AKAP6: variants seen among roughly 807,000 people sequenced by gnomAD.
The protein encoded by AKAP6 is A-kinase anchoring protein 6.
In AKAP6, 58 loss-of-function variants were observed where a neutral mutation model predicts 188.5. The ratio of observed to expected loss-of-function variants is 0.31; its 90% CI spans 0.25 to 0.38. The LOEUF is 0.38. Ranked by LOEUF, AKAP6 falls within the 10% of genes least tolerant of loss-of-function variation. AKAP6 has a pLI of 1.00. For missense variants in AKAP6, 2,710 were observed against 2,740.0 expected, an observed-to-expected ratio of 0.99 and a Z score of 0.24; for synonymous variants, 989 against 998.6, an observed-to-expected ratio of 0.99 and a Z score of 0.18.
Position 32,676,351 on chromosome 14 carries a change from T to G in AKAP6, c.2731-1960T>G, listed in dbSNP as rs192161595. On this transcript the variant is annotated intron_variant, in intron 7 of 13. Transcript: ENST00000280979. The stretch of plus-strand genomic sequence containing the variant: ...GTTTTATCCTTTTAAAAATAAAATA[T>G]TATTACATCAGTAGTTATTATTCTT... Among the ~76,000 whole-genome samples, 649 of 152,330 alleles carry G rather than the reference T, an allele frequency of 4.3e-3. 7 individuals are homozygous for G. Among genetic ancestry groups the G allele is most frequent in the African/African-American group, 0.015 (621 of 41,584 alleles).
rs145669645 is a variant in AKAP6 at position 32,615,430 on chromosome 14, C to T, written c.2730+14638C>T. Among the ~76,000 whole-genome samples, 58 of 149,352 alleles carry T rather than the reference C, an allele frequency of 3.9e-4. No individual in the cohort carries two copies. The East Asian group carries it at 0.01, about 26-fold the overall frequency. On this transcript the variant is annotated intron_variant, in intron 7 of 13. Transcript: ENST00000280979. ...TTCCTTCTTTTTTTTTTTTAACCTT[C>T]CTCTAGTTGGAGCTGAAATTTTCTG... is the stretch of plus-strand genomic sequence containing the variant.
rs143520724 is a variant in AKAP6 at position 32,744,347 on chromosome 14, C to T, written c.3372+8465C>T. ...TTATTTTATTTTTGAGATGGAGTCT[C>T]GCTCTGTCACCCAGGCTAGAGTGCA... is the stretch of plus-strand genomic sequence containing the variant. On this transcript the variant is annotated intron_variant, in intron 11 of 13. Transcript: ENST00000280979. Among the ~76,000 whole-genome samples, 951 of 151,798 alleles carry T rather than the reference C, an allele frequency of 6.3e-3. 13 individuals are homozygous for T. Among genetic ancestry groups the T allele is most frequent in the African/African-American group, 0.021 (886 of 41,386 alleles).
chr14:32,590,142 A>G (rs1885426895), intron 5 of AKAP6, among the ~76,000 whole-genome samples: 1 of 152,150 alleles, frequency 6.6e-6, no homozygotes, highest in Non-Finnish European at 1.5e-5. Flanking sequence ...GCATGCTTTT[A>G]TCATTTGGGG....
chr14:32,428,590 G>A (rs148290940), intron 1 of AKAP6, among the ~76,000 whole-genome samples: 42 of 152,236 alleles, frequency 2.8e-4, no homozygotes, highest in African/African-American at 8.7e-4. Context: ...CAAGATACCC[G>A]GCTTTTCTGT....
chr14:32,461,058 C>G (rs1273311854), intron 2 of AKAP6, among the ~76,000 whole-genome samples: 1 of 152,198 alleles, frequency 6.6e-6, no homozygotes, highest in African/African-American at 2.4e-5. Flanking sequence ...GGTAACAGCC[C>G]CAGTCACGGG....
chr14:32,817,455 G>A (rs1161433361), intron 12 of AKAP6, among the ~76,000 whole-genome samples: 1 of 29,940 alleles, frequency 3.3e-5, no homozygotes, highest in Non-Finnish European at 5.1e-5. Context: ...GTATAGCTGT[G>A]TGTGTGTGTG....
chr14:32,808,040 A>G (rs1047457675), intron 12 of AKAP6, among the ~76,000 whole-genome samples: 2 of 152,258 alleles, frequency 1.3e-5, no homozygotes, highest in Non-Finnish European at 2.9e-5. Flanking sequence ...TGCAGGTTAA[A>G]GAATTTTTAA....
At chr14:32,732,154 A>C (rs981889824) in intron 9 of AKAP6, among the ~76,000 whole-genome samples, 1 of 151,680 alleles carries the variant, frequency 6.6e-6, no homozygotes, top group South Asian at 2.1e-4. Flanking sequence ...GTAATATTAA[A>C]CCCCCCTAGA....
intron 3 of AKAP6, among the ~76,000 whole-genome samples, chr14:32,539,327 C>A (rs953700256): frequency 6.6e-6 from 1 of 152,106 alleles, no homozygotes; most frequent in African/African-American, 2.4e-5. Context: ...ATACCTTCTG[C>A]GTGGGGATGC....
At chr14:32,724,883 C>A (rs1266539467) in intron 9 of AKAP6, among the ~76,000 whole-genome samples, 3 of 147,044 alleles carry the variant, frequency 2.0e-5, no homozygotes, top group Admixed American at 1.4e-4. Context: ...GAATTACTGT[C>A]CTAAACCAAT....
rs1402189677 is a variant in AKAP6 at position 32,829,955 on chromosome 14, G to A, written c.*150G>A. ...TTATTACATTGACTTCTCCCAAGAT[G>A]AATCTTCCTTCCAAATGTGTTTTCT... On this transcript the variant is annotated 3_prime_UTR_variant, in exon 14 of 14. Transcript: ENST00000280979. 2 of 702,498 alleles carry A rather than the reference G, an allele frequency of 2.8e-6. No individual in the cohort carries two copies. The highest frequency in any genetic ancestry group is 5.2e-6 in the Non-Finnish European group (2 of 384,756). 43.5% of individuals were successfully genotyped at this position (702,498 alleles called of 1,614,324 possible).
At chr14:32,542,821 G>A (rs1261998533) in intron 3 of AKAP6, among the ~76,000 whole-genome samples, 8 of 152,168 alleles carry the variant, frequency 5.3e-5, no homozygotes, top group Admixed American at 4.6e-4. Context: ...CTATGACATC[G>A]TTGATTTCTG....
At position 32,568,616 on chromosome 14, in the gene AKAP6, G is replaced by T. The variant is rs10149843; in HGVS notation, c.2347-8504G>T. ...GGAGGATTGGGGGTGCTTGAAGCAA[G>T]GTCTCACCTAGAGCAAGTCTGCCAA... is the stretch of plus-strand genomic sequence containing the variant. On this transcript the variant is annotated intron_variant, in intron 4 of 13. Transcript: ENST00000280979. This position sits in a 1 kb window ranked among gnomAD's most constrained non-coding sequence, Gnocchi z 6.2. 4.6e-5 allele frequency among the ~76,000 whole-genome samples: 7 copies of T among 151,942 alleles called. 1 individual carries two copies. The South Asian group carries it at 8.3e-4, about 18-fold the overall frequency.
intron 1 of AKAP6, among the ~76,000 whole-genome samples, chr14:32,392,391 G>A (rs1888742127): frequency 6.6e-6 from 1 of 152,136 alleles, no homozygotes; most frequent in Non-Finnish European, 1.5e-5. Context: ...AATTGGAGGT[G>A]TGAATATGAA....
intron 1 of AKAP6, among the ~76,000 whole-genome samples, chr14:32,368,770 A>G (rs879315954): frequency 7.9e-5 from 12 of 152,076 alleles, no homozygotes; most frequent in Non-Finnish European, 1.5e-4. Context: ...ACTATGTACT[A>G]GGTGCTGTTA....
chr14:32,454,704 CCTCCTTCCCTCCTTCT>C (rs1566512163), intron 2 of AKAP6, among the ~76,000 whole-genome samples: 8 of 50,164 alleles, frequency 1.6e-4, no homozygotes, highest in African/African-American at 3.3e-4. Flanking sequence ...TCCCTCCCTC[CCTCCTTCCCTCCTTCT>C]CTCCTTCCCT....
At chr14:32,587,416 C>T (rs929886164) in intron 5 of AKAP6, among the ~76,000 whole-genome samples, 6 of 152,108 alleles carry the variant, frequency 3.9e-5, no homozygotes, top group Non-Finnish European at 7.3e-5. Flanking sequence ...CGGGTTTCTA[C>T]TAGGGGGCAA....
chr14:32,344,608 G>C (rs1204937670), intron 1 of AKAP6, among the ~76,000 whole-genome samples: 9 of 152,094 alleles, frequency 5.9e-5, no homozygotes. Flanking sequence ...TAAGCAAGTG[G>C]AGTATAAGAG....
At chr14:32,828,047 T>C (rs1289111025) in intron 13 of AKAP6, among the ~76,000 whole-genome samples, 1 of 152,194 alleles carries the variant, frequency 6.6e-6, no homozygotes, top group African/African-American at 2.4e-5. Flanking sequence ...TTTAGAACTT[T>C]TTAGCTTTAT....
Sources: allele counts gnomAD v4.1 joint callset (sites outside exome capture counted in the v4.1 genomes callset), GRCh38; gene constraint gnomAD v4.1.1; non-coding constraint Gnocchi (gnomAD v3.1); transcripts MANE v1.5; gene names NCBI Gene and HGNC (gene_info 2026-07-23, HGNC 2026-07-21).